The following PDE4C variants were observed in gnomAD, a reference collection of about 807,000 sequenced individuals.
PDE4C encodes phosphodiesterase 4C, also known as 3',5'-cyclic-AMP phosphodiesterase 4C.
PDE4C carries 50 observed loss-of-function variants against 63.9 expected under a neutral mutation model. The ratio of observed to expected loss-of-function variants is 0.78; its 90% CI spans 0.62 to 0.99. The LOEUF (loss-of-function observed/expected upper bound fraction) is 0.99, where lower values mean the gene tolerates loss of function less well. PDE4C is among the 50% of genes least tolerant of loss of function. The pLI is 0.00. For missense variants in PDE4C, 777 were observed against 899.1 expected (o/e 0.86, Z 1.74); for synonymous variants, 377 against 385.1 (o/e 0.98, Z 0.25).
chr19:18,229,467 CT>C (rs1353795726), upstream of PDE4C, among the ~76,000 whole-genome samples: 1 of 152,160 alleles, frequency 6.6e-6, no homozygotes, highest in African/African-American at 2.4e-5. Context: ...TCTTGAACTC[CT>C]GACCTCAGGT....
At chr19:18,218,568 T>C (rs1349488540) in intron 9 of PDE4C, 70 bp from the exon 10 acceptor site, 15 of 1,543,622 alleles carry the variant, frequency 9.7e-6, no homozygotes, top group Non-Finnish European at 1.2e-5. Flanking sequence ...CCTACCCCTC[T>C]CTTCTGAACT....
intron 1 of PDE4C, among the ~76,000 whole-genome samples, chr19:18,243,099 G>A (rs1030169104): frequency 6.6e-6 from 1 of 152,044 alleles, no homozygotes; most frequent in Non-Finnish European, 1.5e-5. Flanking sequence ...AGATTCAAGG[G>A]TGACTGGTGA....
At position 18,216,783 on chromosome 19, in the gene PDE4C, G is replaced by A. The variant is rs1214482126; in HGVS notation, c.1347C>T (p.Ser449=). The A allele has an allele frequency of 4.0e-5, 65 of 1,613,790 alleles. 1 individual carries two copies. The South Asian group carries it at 6.0e-4, about 15-fold the overall frequency. Residue 449 remains serine, a synonymous_variant, in exon 12 of 15, where the codon AGC becomes AGT. Transcript: ENST00000262805. ...TGCGCAGACTCAGTCGCTGCTTGGCGCTGAGGTTCTGGAAGATATCGCAGT... is the reference window on the plus strand; with the variant it reads ...TGCGCAGACTCAGTCGCTGCTTGGCACTGAGGTTCTGGAAGATATCGCAGT...
intron 1 of PDE4C, among the ~76,000 whole-genome samples, chr19:18,244,672 C>G (rs1439621973): frequency 6.6e-6 from 1 of 151,776 alleles, no homozygotes; most frequent in Non-Finnish European, 1.5e-5. Flanking sequence ...ACCACCACAC[C>G]CAGGTAATTT....
chr19:18,208,337 G>A (rs1291798425), downstream of PDE4C: 12 of 152,244 alleles, frequency 7.9e-5, 1 homozygote, highest in Non-Finnish European at 1.8e-4. Flanking sequence ...TGAGGCTTCC[G>A]GAGGCGGGGA....
chr19:18,227,343 C>T (rs1019154325), upstream of PDE4C, among the ~76,000 whole-genome samples: 1 of 152,140 alleles, frequency 6.6e-6, no homozygotes, highest in Non-Finnish European at 1.5e-5. Flanking sequence ...CAACTCCCCA[C>T]GTGATCCCCC....
intron 2 of PDE4C, among the ~76,000 whole-genome samples, chr19:18,221,840 G>C (rs1474508593): frequency 6.6e-6 from 1 of 152,110 alleles, no homozygotes; most frequent in Non-Finnish European, 1.5e-5. Flanking sequence ...TGGCCAGGCT[G>C]GTCCTGAACA....
At chr19:18,222,216 C>T (rs140364206) in exon 2 of PDE4C, 16 of 1,614,044 alleles carry the variant, frequency 9.9e-6, no homozygotes, top group East Asian at 2.2e-5. Flanking sequence ...GAAGGACTCG[C>T]GCCGCTGGCT....
chr19:18,233,334 C>A (rs1445321688), exon 1 of PDE4C: 5 of 1,177,342 alleles, frequency 4.2e-6, no homozygotes, highest in South Asian at 2.6e-5. Flanking sequence ...GGTGCTGAAG[C>A]GGTAGAAGGT....
At chr19:18,241,250 C>G (rs1406453215) in intron 1 of PDE4C, among the ~76,000 whole-genome samples, 7 of 127,148 alleles carry the variant, frequency 5.5e-5, no homozygotes, top group Admixed American at 1.8e-4. Context: ...CTTTTTTCTT[C>G]TCTTGTTTTT....
chr19:18,236,370 C>T (rs1394217207), upstream of PDE4C, among the ~76,000 whole-genome samples: 1 of 152,116 alleles, frequency 6.6e-6, no homozygotes, highest in Non-Finnish European at 1.5e-5. Context: ...GCTGGGACTA[C>T]AGGTGCACCC....
intron 12 of PDE4C, among the ~76,000 whole-genome samples, chr19:18,214,053 T>A (rs1290194604): frequency 2.6e-5 from 4 of 151,942 alleles, no homozygotes; most frequent in Non-Finnish European, 5.9e-5. Context: ...GGTCAGGAGA[T>A]CGAGACCATC....
intron 1 of PDE4C, among the ~76,000 whole-genome samples, chr19:18,239,373 G>A (rs552264320): frequency 1.1e-4 from 16 of 152,340 alleles, no homozygotes; most frequent in African/African-American, 3.6e-4. Flanking sequence ...GAACGGATGC[G>A]TTGGGAGTGT....
upstream of PDE4C, chr19:18,248,312 C>T: frequency 2.3e-6 from 1 of 435,092 alleles, no homozygotes; most frequent in Non-Finnish European, 4.6e-6. Flanking sequence ...GGGCACCAGG[C>T]CAGGACATAA....
chr19:18,227,991 C>G (rs774626467), upstream of PDE4C, among the ~76,000 whole-genome samples: 2 of 152,090 alleles, frequency 1.3e-5, no homozygotes, highest in Admixed American at 6.5e-5. Flanking sequence ...GGCCAGGAAG[C>G]CCCCCTAACC....
In PDE4C at chr19:18,220,836, C is replaced by T. The variant is rs752436744; in HGVS notation, c.499+38G>A. 1.1e-5 allele frequency: 18 copies of T among 1,586,962 alleles called. No homozygotes were observed. Among genetic ancestry groups the T allele is most frequent in the Middle Eastern group, 3.3e-4 (2 of 6,002 alleles). On this transcript the variant is annotated intron_variant, in intron 5 of 14. Coordinates refer to ENST00000262805, the Ensembl canonical transcript of PDE4C. This position sits in a 1 kb window ranked among gnomAD's most constrained non-coding sequence, Gnocchi z 5.1. ...GTCACTATGGAAAGGAAGCTCCCAGCTGTCCTCAGCGGGGGAGGGAAGGAA... is the reference window on the plus strand; with the variant it reads ...GTCACTATGGAAAGGAAGCTCCCAGTTGTCCTCAGCGGGGGAGGGAAGGAA...
At chr19:18,252,004 A>G, upstream of PDE4C, 1 of 398,582 alleles carries the variant, frequency 2.5e-6, no homozygotes, top group Non-Finnish European at 4.4e-6. Flanking sequence ...GTCAGTTCCA[A>G]AACTGCAGCC....
At chr19:18,250,773 A>AT (rs571142608), upstream of PDE4C, among the ~76,000 whole-genome samples, 12,695 of 124,614 alleles carry the variant, frequency 0.1, 866 homozygotes, top group African/African-American at 0.19. Flanking sequence ...TGCCTGGACA[A>AT]TTTTTTTTTT....
chr19:18,221,428 C>A, intron 2 of PDE4C, 131 bp from the exon 3 acceptor site: 1 of 852,642 alleles, frequency 1.2e-6, no homozygotes, highest in Non-Finnish European at 1.8e-6. Context: ...TCCCTGGGGT[C>A]CCCTCATGCG....
Sources: allele counts gnomAD v4.1 joint callset (sites outside exome capture counted in the v4.1 genomes callset), GRCh38; gene constraint gnomAD v4.1.1; non-coding constraint Gnocchi (gnomAD v3.1); transcripts MANE v1.5; gene names NCBI Gene and HGNC (gene_info 2026-07-23, HGNC 2026-07-21).